Variants in NR3C2 observed in about 807,000 individuals in gnomAD.
NR3C2 encodes mineralocorticoid receptor.
A neutral mutation model predicts 86.4 loss-of-function variants in NR3C2; 15 were observed. The observed-to-expected ratio is 0.17, with a 90% confidence interval of 0.12 to 0.27. The LOEUF (loss-of-function observed/expected upper bound fraction) is 0.27, where lower values mean the gene tolerates loss of function less well. NR3C2 is among the 10% of genes least tolerant of loss of function. The probability of loss-of-function intolerance (pLI) is 1.00; values close to 1 mark genes in which losing one functional copy is unlikely to be tolerated. For synonymous variants in NR3C2, 458 were observed against 450.5 expected (o/e 1.02, Z -0.21); for missense variants, 960 against 1,195.6 (o/e 0.80, Z 2.91).
intron 2 of NR3C2, among the ~76,000 whole-genome samples, chr4:148,336,113 G>C (rs1186157585): frequency 6.6e-6 from 1 of 152,142 alleles, no homozygotes; most frequent in Non-Finnish European, 1.5e-5. Context: ...GTCCCTCACA[G>C]ACAACCTGAT....
intron 2 of NR3C2, among the ~76,000 whole-genome samples, chr4:148,344,369 T>C (rs555580428): frequency 6.6e-6 from 1 of 152,268 alleles, no homozygotes; most frequent in African/African-American, 2.4e-5. Context: ...AGAGACAGGA[T>C]GGCTGAAAAA....
chr4:148,174,046 A>G (rs1403087366), intron 4 of NR3C2, among the ~76,000 whole-genome samples: 1 of 152,206 alleles, frequency 6.6e-6, no homozygotes, highest in Non-Finnish European at 1.5e-5. Flanking sequence ...ATGTTCAGTC[A>G]TAGAATCCCA....
chr4:148,389,504 T>C (rs772880902), intron 2 of NR3C2, among the ~76,000 whole-genome samples: 13 of 152,320 alleles, frequency 8.5e-5, no homozygotes, highest in Non-Finnish European at 1.6e-4. Context: ...TTTGTACTTT[T>C]AGAAGTCTTC....
chr4:148,406,427 C>A (rs751960398), intron 2 of NR3C2, among the ~76,000 whole-genome samples: 1 of 151,944 alleles, frequency 6.6e-6, no homozygotes, highest in Admixed American at 6.6e-5. Context: ...GCCGATAGGA[C>A]GCAGACGTGA....
At chr4:148,091,861 A>T (rs1255099558) in intron 8 of NR3C2, among the ~76,000 whole-genome samples, 1 of 152,180 alleles carries the variant, frequency 6.6e-6, no homozygotes, top group East Asian at 1.9e-4. Flanking sequence ...GCAGGGTAGG[A>T]GCCAGGCTGT....
intron 2 of NR3C2, among the ~76,000 whole-genome samples, chr4:148,422,827 A>G (rs1421346413): frequency 2.0e-5 from 3 of 152,048 alleles, no homozygotes; most frequent in African/African-American, 7.2e-5. Flanking sequence ...TGGTACTGAA[A>G]TCATCAAGTT....
At chr4:148,096,471 A>G (rs1297995948) in intron 8 of NR3C2, among the ~76,000 whole-genome samples, 1 of 152,128 alleles carries the variant, frequency 6.6e-6, no homozygotes, top group African/African-American at 2.4e-5. Context: ...CAAAAAAGGA[A>G]CACCAAGCAA....
intron 4 of NR3C2, among the ~76,000 whole-genome samples, chr4:148,185,777 A>C (rs1430246685): frequency 6.6e-6 from 1 of 152,160 alleles, no homozygotes; most frequent in Admixed American, 6.5e-5. Context: ...TTTTGACTAA[A>C]TACTACTTGG....
At chr4:148,147,986 T>A (rs1306836370) in intron 6 of NR3C2, among the ~76,000 whole-genome samples, 1 of 152,240 alleles carries the variant, frequency 6.6e-6, no homozygotes, top group Non-Finnish European at 1.5e-5. Context: ...GTCCTTTAAC[T>A]ACTACCTCCA....
intron 3 of NR3C2, among the ~76,000 whole-genome samples, chr4:148,236,662 T>C (rs1169286038): frequency 2.0e-5 from 3 of 152,130 alleles, no homozygotes; most frequent in African/African-American, 7.2e-5. Flanking sequence ...CTTTGGGAAA[T>C]TGTATCTAGC....
chr4:148,444,136 A>C, upstream of NR3C2: 1 of 985,328 alleles, frequency 1.0e-6, no homozygotes, highest in Non-Finnish European at 1.2e-6. Flanking sequence ...GGCGGGAGCA[A>C]GGGGAGTCCC....
chr4:148,383,952 GAAAA>G (rs60506239), intron 2 of NR3C2, among the ~76,000 whole-genome samples: 1 of 120,198 alleles, frequency 8.3e-6, no homozygotes, highest in Admixed American at 9.1e-5. Context: ...TGTCTCAGGG[GAAAA>G]AAAAAAAAAA....
rs368737306 is a variant in NR3C2 at position 148,141,126 on chromosome 4, G to C, written c.2510+11343C>G. 8.5e-5 allele frequency among the ~76,000 whole-genome samples: 13 copies of C among 152,152 alleles called. No homozygotes were observed. The South Asian group carries it at 1.7e-3, about 19-fold the overall frequency. On this transcript the variant is annotated intron_variant, in intron 6 of 8. Transcript: ENST00000358102. ...TATTAACAAACCAAAAACAGTTACC[G>C]AGCGCCAGTTATATGTATTTTTGCG...
At chr4:148,182,431 A>G (rs756673518) in intron 4 of NR3C2, among the ~76,000 whole-genome samples, 2 of 152,238 alleles carry the variant, frequency 1.3e-5, no homozygotes, top group African/African-American at 2.4e-5. Flanking sequence ...TTAAATTATA[A>G]CTTAAACCTA....
chr4:148,423,424 A>G (rs779200428), intron 2 of NR3C2, among the ~76,000 whole-genome samples: 2 of 152,104 alleles, frequency 1.3e-5, no homozygotes, highest in Non-Finnish European at 2.9e-5. Flanking sequence ...AGTACTACCA[A>G]TCTTCAAACA....
chr4:148,275,028 G>A (rs1018284053), intron 2 of NR3C2, among the ~76,000 whole-genome samples: 5 of 151,972 alleles, frequency 3.3e-5, no homozygotes, highest in African/African-American at 7.2e-5. Context: ...GTGTGAAAAC[G>A]GACTAATACA....
In NR3C2 at chr4:148,081,419, C is replaced by G. The variant is rs757683759; in HGVS notation, c.2880G>C (p.Leu960=). The change falls in exon 9 of 9, where the codon CTG becomes CTC. Residue 960 remains leucine (L), a synonymous_variant. Transcript: ENST00000358102. The part of the protein sequence containing the change: ...HALKVEFPAM[L]VEIISDQLPK... ...GCAGCTGGTCGCTGATGATCTCCAC[C>G]AGCATTGCGGGGAACTCTACCTTCA... 1 of 1,614,148 alleles carries G rather than the reference C, an allele frequency of 6.2e-7. No homozygotes were observed. The highest frequency in any genetic ancestry group is 1.1e-5 in the South Asian group (1 of 91,072).
intron 3 of NR3C2, among the ~76,000 whole-genome samples, chr4:148,229,369 G>C (rs1484828733): frequency 3.9e-5 from 6 of 152,084 alleles, no homozygotes; most frequent in Non-Finnish European, 2.9e-5. Flanking sequence ...TAATAAATCT[G>C]CCCTCCTCAC....
At chr4:148,353,305 C>T (rs1192668677) in intron 2 of NR3C2, among the ~76,000 whole-genome samples, 1 of 151,992 alleles carries the variant, frequency 6.6e-6, no homozygotes, top group African/African-American at 2.4e-5. Context: ...TTTCATTATA[C>T]AAATTCATTT....
Sources: allele counts gnomAD v4.1 joint callset (sites outside exome capture counted in the v4.1 genomes callset), GRCh38; gene constraint gnomAD v4.1.1; transcripts MANE v1.5; gene names NCBI Gene and HGNC (gene_info 2026-07-23, HGNC 2026-07-21).